Variants in HDAC9 observed in about 807,000 individuals in gnomAD.
The protein encoded by HDAC9 is histone deacetylase 9, also known as MEF-2 interacting transcription repressor (MITR) protein.
In HDAC9, 41 loss-of-function variants were observed where a neutral mutation model predicts 139.4. That is an observed-to-expected ratio of 0.29 (90% CI 0.23 to 0.38). The LOEUF is 0.38. HDAC9 is among the 10% of genes least tolerant of loss of function. The pLI is 1.00. For synonymous variants in HDAC9, 517 were observed against 476.2 expected (o/e 1.09, Z -1.12); for missense variants, 1,147 against 1,297.0 (o/e 0.88, Z 1.78).
At chr7:18,750,770 G>T (rs1788375549) in intron 14 of HDAC9, among the ~76,000 whole-genome samples, 1 of 152,168 alleles carries the variant, frequency 6.6e-6, no homozygotes, top group Non-Finnish European at 1.5e-5. Flanking sequence ...TTTGTGGTAG[G>T]CTGGTCTTAA....
At chr7:18,363,767 C>T (rs1282673731) in intron 1 of HDAC9, among the ~76,000 whole-genome samples, 2 of 152,074 alleles carry the variant, frequency 1.3e-5, no homozygotes, top group East Asian at 1.9e-4. Flanking sequence ...TTACCAGGTG[C>T]CTCCTCTTTT....
chr7:18,532,566 T>C (rs1809392348), intron 2 of HDAC9, among the ~76,000 whole-genome samples: 1 of 152,190 alleles, frequency 6.6e-6, no homozygotes. Flanking sequence ...ACTCTGAATA[T>C]TGACTATCGT....
At chr7:18,118,559 AG>A (rs774941520) in intron 1 of HDAC9, among the ~76,000 whole-genome samples, 10 of 152,172 alleles carry the variant, frequency 6.6e-5, no homozygotes, top group Non-Finnish European at 1.5e-5. Flanking sequence ...TGAGCTACTT[AG>A]GATATAACAG....
chr7:18,467,882 T>A (rs776831716), intron 1 of HDAC9, among the ~76,000 whole-genome samples: 1 of 152,162 alleles, frequency 6.6e-6, no homozygotes, highest in Non-Finnish European at 1.5e-5. Flanking sequence ...CTTCCTCTGG[T>A]CCATGCCATT....
chr7:18,438,315 G>A (rs1791411401), intron 1 of HDAC9, among the ~76,000 whole-genome samples: 1 of 151,998 alleles, frequency 6.6e-6, no homozygotes, highest in South Asian at 2.1e-4. Flanking sequence ...AATCTAAAAA[G>A]ATTCCTGTTA....
At chr7:18,793,997 C>G (rs1792560500) in intron 17 of HDAC9, among the ~76,000 whole-genome samples, 1 of 152,142 alleles carries the variant, frequency 6.6e-6, no homozygotes, top group African/African-American at 2.4e-5. Flanking sequence ...TTTTTATGGT[C>G]TCTTCTTTTC....
At chr7:18,537,879 G>C (rs986075899) in intron 2 of HDAC9, among the ~76,000 whole-genome samples, 7 of 152,224 alleles carry the variant, frequency 4.6e-5, no homozygotes, top group Non-Finnish European at 7.3e-5. Flanking sequence ...AGCCACAAGA[G>C]TGAAGAGGTA....
chr7:18,813,028 G>A (rs966939508), intron 17 of HDAC9, among the ~76,000 whole-genome samples: 3 of 152,058 alleles, frequency 2.0e-5, no homozygotes, highest in Admixed American at 1.3e-4. Flanking sequence ...TTTTGAAATT[G>A]TCACTTCACC....
At chr7:18,628,610 C>T (rs1781412990) in intron 6 of HDAC9, among the ~76,000 whole-genome samples, 2 of 152,084 alleles carry the variant, frequency 1.3e-5, no homozygotes, top group Non-Finnish European at 2.9e-5. Context: ...CTGTAATAAG[C>T]TTCACTGTTT....
intron 1 of HDAC9, among the ~76,000 whole-genome samples, chr7:18,093,615 A>G (rs180909236): frequency 2.2e-3 from 340 of 152,318 alleles, no homozygotes; most frequent in African/African-American, 7.6e-3. Context: ...GTTAAAATCA[A>G]AAGCACTGTG....
intron 14 of HDAC9, among the ~76,000 whole-genome samples, chr7:18,761,568 A>G (rs1789393398): frequency 6.6e-6 from 1 of 152,190 alleles, no homozygotes; most frequent in African/African-American, 2.4e-5. Flanking sequence ...ATTGATCTGA[A>G]TTTCTGTACT....
rs141576102 is a variant in HDAC9, at chr7:18,207,056, C to T, written c.25+44707C>T. On this transcript the variant is annotated intron_variant, in intron 2 of 12. Transcript: ENST00000417496. ...GTTCAAGTGATTCTCCAGCCCCAGC[C>T]TCCCAAGTAGCTTGGGAATTGTTTT... is the stretch of plus-strand genomic sequence containing the variant. Among the ~76,000 whole-genome samples, 979 of 151,932 alleles carry T rather than the reference C, an allele frequency of 6.4e-3. 13 individuals are homozygous for T. The highest frequency in any genetic ancestry group is 0.022 in the African/African-American group (924 of 41,374).
chr7:18,881,047 A>G (rs562449757), intron 22 of HDAC9, among the ~76,000 whole-genome samples: 8 of 152,080 alleles, frequency 5.3e-5, no homozygotes, highest in Non-Finnish European at 1.2e-4. Context: ...GGGAAGTACA[A>G]AGATTCCTTG....
intron 2 of HDAC9, among the ~76,000 whole-genome samples, chr7:18,169,809 A>G (rs1584437635): frequency 6.6e-6 from 1 of 152,178 alleles, no homozygotes; most frequent in Admixed American, 6.6e-5. Context: ...TTATGGCTGC[A>G]TAGTATTCCA....
intron 6 of HDAC9, among the ~76,000 whole-genome samples, chr7:18,597,845 CTGA>C (rs577645548): frequency 5.9e-4 from 90 of 152,076 alleles, no homozygotes; most frequent in South Asian, 8.3e-4. Flanking sequence ...TTGGCTTGGG[CTGA>C]TAAGAGACTT....
intron 11 of HDAC9, among the ~76,000 whole-genome samples, chr7:18,660,489 T>C (rs1404929808): frequency 1.3e-5 from 2 of 152,152 alleles, no homozygotes; most frequent in Non-Finnish European, 2.9e-5. Flanking sequence ...CAGAAACTTA[T>C]GAAGCTCCAA....
intron 21 of HDAC9, among the ~76,000 whole-genome samples, chr7:18,849,761 T>C (rs1383994309): frequency 6.6e-6 from 1 of 152,172 alleles, no homozygotes; most frequent in African/African-American, 2.4e-5. Context: ...ATACTCTCCA[T>C]GATGAGAAAG....
intron 14 of HDAC9, among the ~76,000 whole-genome samples, chr7:18,760,461 T>C (rs1178180): frequency 0.21 from 32,304 of 152,022 alleles, 3,722 homozygotes; most frequent in East Asian, 0.42. Flanking sequence ...ATCAGAAAGA[T>C]GGCTGACCAG....
chr7:18,369,619 G>T (rs559653826), intron 1 of HDAC9, among the ~76,000 whole-genome samples: 1 of 152,132 alleles, frequency 6.6e-6, no homozygotes, highest in East Asian at 1.9e-4. Context: ...AACTATAAAT[G>T]AAATACATTT....
Sources: allele counts gnomAD v4.1 joint callset (sites outside exome capture counted in the v4.1 genomes callset), GRCh38; gene constraint gnomAD v4.1.1; transcripts MANE v1.5; gene names NCBI Gene and HGNC (gene_info 2026-07-23, HGNC 2026-07-21).